The following DIP2A variants were observed in gnomAD, a reference collection of about 807,000 sequenced individuals.
DIP2A encodes disco-interacting protein 2 homolog A.
Under a neutral mutation model 177.4 loss-of-function variants are expected in DIP2A, and 85 were observed. That is an observed-to-expected ratio of 0.48 (90% CI 0.40 to 0.57). The LOEUF (loss-of-function observed/expected upper bound fraction) is 0.57. Among genes scored for constraint, DIP2A ranks in the 20% least tolerant of loss-of-function variants. The probability of loss-of-function intolerance (pLI) is 0.00; values close to 1 mark genes in which losing one functional copy is unlikely to be tolerated. For missense variants in DIP2A, 1,791 were observed against 2,100.2 expected, an observed-to-expected ratio of 0.85 and a Z score of 2.88; for synonymous variants, 886 against 881.8, an observed-to-expected ratio of 1.00 and a Z score of -0.08.
chr21:46,518,187 A>C (rs2058668988), intron 8 of DIP2A, among the ~76,000 whole-genome samples: 1 of 152,376 alleles, frequency 6.6e-6, no homozygotes, highest in East Asian at 1.9e-4. Flanking sequence ...ATCCAGTTTT[A>C]GCTACTAGAA....
At chr21:46,529,846 C>A (rs941502910) in intron 9 of DIP2A, among the ~76,000 whole-genome samples, 3 of 152,178 alleles carry the variant, frequency 2.0e-5, no homozygotes, top group Admixed American at 1.3e-4. Context: ...ATCTCCTTCC[C>A]TATTCTATGT....
chr21:46,512,017 G>A (rs932497446), intron 8 of DIP2A, among the ~76,000 whole-genome samples: 2 of 152,020 alleles, frequency 1.3e-5, no homozygotes, highest in African/African-American at 2.4e-5. Context: ...ATATGGTCCT[G>A]TAATCAGCAC....
At chr21:46,507,692 CTTTTTTTTTT>C (rs34594717) in intron 6 of DIP2A, among the ~76,000 whole-genome samples, 1 of 43,952 alleles carries the variant, frequency 2.3e-5, no homozygotes, top group East Asian at 8.0e-4. Flanking sequence ...ATTTTCTGTT[CTTTTTTTTTT>C]TTTTTTTTTT....
At chr21:46,485,355 C>T (rs2056615353) in intron 2 of DIP2A, among the ~76,000 whole-genome samples, 1 of 152,036 alleles carries the variant, frequency 6.6e-6, no homozygotes, top group Admixed American at 6.6e-5. Context: ...ATTGGCCCAA[C>T]CAGGATATGA....
At chr21:46,518,012 C>A (rs184574925) in intron 8 of DIP2A, among the ~76,000 whole-genome samples, 35 of 152,376 alleles carry the variant, frequency 2.3e-4, no homozygotes, top group African/African-American at 7.9e-4. Context: ...GAGTGCTGGT[C>A]TGCCACCAGT....
chr21:46,516,488 C>CCTTTTTT (rs2058579913), intron 8 of DIP2A, among the ~76,000 whole-genome samples: 1 of 76,366 alleles, frequency 1.3e-5, no homozygotes, highest in African/African-American at 4.4e-5. Context: ...TCTGAAATTT[C>CCTTTTTT]TTTTTTTTTT....
rs558571895 is a variant in DIP2A at position 46,474,777 on chromosome 21, C to T, written c.92-9980C>T. 3.9e-4 allele frequency among the ~76,000 whole-genome samples: 60 copies of T among 152,256 alleles called. 1 individual carries two copies. Among genetic ancestry groups the T allele is most frequent in the African/African-American group, 1.3e-3 (54 of 41,556 alleles). Reference sequence around the variant, plus strand: ...GAACTATAGCTGCGCACCCCCACATCCTGCTAGGTTTTCAGAATTGAAAAG... The same window carrying T: ...GAACTATAGCTGCGCACCCCCACATTCTGCTAGGTTTTCAGAATTGAAAAG... On this transcript the variant is annotated intron_variant, in intron 1 of 37. Coordinates refer to ENST00000417564, the MANE Select transcript of DIP2A (RefSeq NM_015151.4).
At chr21:46,487,724 A>G (rs980226831) in intron 2 of DIP2A, among the ~76,000 whole-genome samples, 5 of 152,256 alleles carry the variant, frequency 3.3e-5, no homozygotes, top group African/African-American at 4.8e-5. Flanking sequence ...AATGAAAACA[A>G]ACTGTCAAAT....
chr21:46,501,673 T>C (rs907764938), intron 5 of DIP2A, among the ~76,000 whole-genome samples: 3 of 151,702 alleles, frequency 2.0e-5, no homozygotes, highest in Admixed American at 6.6e-5. Flanking sequence ...TCCTCATGCC[T>C]TGGCCTTTCA....
At chr21:46,548,790 C>T (rs1199554807) in intron 21 of DIP2A, among the ~76,000 whole-genome samples, 1 of 152,106 alleles carries the variant, frequency 6.6e-6, no homozygotes, top group Non-Finnish European at 1.5e-5. Flanking sequence ...TTGGGGTTCT[C>T]TGGACTGGGA....
rs58546395 is a variant in DIP2A at position 46,464,844 on chromosome 21, T to TTTTTTTTTTTTTTTTTCC, written c.91+5622_91+5623insTTTTTTTTTTTTTTTTCC. Among the ~76,000 whole-genome samples, 24 of 111,228 alleles carry TTTTTTTTTTTTTTTTTCC rather than the reference T, an allele frequency of 2.2e-4. 1 individual carries two copies. The highest frequency in any genetic ancestry group is 5.8e-4 in the African/African-American group (14 of 23,992). 73.0% of individuals were successfully genotyped at this position (111,228 alleles called of 152,430 possible). On this transcript the variant is annotated intron_variant, in intron 1 of 37. Transcript: ENST00000417564. ...TTTTTTTTTTTTTTTTTTTTTTTTTTCAAGAAAACACACAACAAATGTCAG... is the reference window on the plus strand; with the variant it reads ...TTTTTTTTTTTTTTTTTTTTTTTTTTTTTTTTTTTTTTTTTTCCCAAGAAAACACACAACAAATGTCAG...
intron 1 of DIP2A, among the ~76,000 whole-genome samples, chr21:46,484,454 C>T (rs930557480): frequency 4.6e-5 from 7 of 152,142 alleles, no homozygotes; most frequent in African/African-American, 1.7e-4. Context: ...CTGTATCTGA[C>T]GCTATGGTTG....
rs1274377312 is a variant in DIP2A at position 46,471,623 on chromosome 21, T to C, written c.91+12401T>C. Reference sequence around the variant, plus strand: ...ATACACTGCTTAGCAAAGAAAACTATTGTCAGTGAAGACACAACACTTAAA... The same window carrying C: ...ATACACTGCTTAGCAAAGAAAACTACTGTCAGTGAAGACACAACACTTAAA... On this transcript the variant is annotated intron_variant, in intron 1 of 37. Transcript: ENST00000417564. 2.6e-5 allele frequency among the ~76,000 whole-genome samples: 4 copies of C among 152,306 alleles called. No homozygotes were observed. In the South Asian group the frequency reaches 8.3e-4, roughly 32 times the overall value.
chr21:46,500,214 A>G (rs992167207), intron 5 of DIP2A, among the ~76,000 whole-genome samples: 3 of 152,216 alleles, frequency 2.0e-5, no homozygotes, highest in African/African-American at 7.2e-5. Flanking sequence ...ATGAAAGCTC[A>G]CAGTGCCCTG....
intron 9 of DIP2A, among the ~76,000 whole-genome samples, chr21:46,530,835 C>A (rs2148749981): frequency 6.6e-6 from 1 of 152,146 alleles, no homozygotes; most frequent in African/African-American, 2.4e-5. Flanking sequence ...AGGATGTACA[C>A]AAAGGATTGG....
rs1314138004 is a variant in DIP2A at position 46,557,921 on chromosome 21, C to T, written c.3798+168C>T. On this transcript the variant is annotated intron_variant, in intron 31 of 37. Transcript: ENST00000417564. This position sits in a 1 kb window ranked among gnomAD's most constrained non-coding sequence, Gnocchi z 6.0. ...ATGTACACATCTGTCCTCCCACGGCCCACCTGTCTCTGCAGCTCCACACCC... is the reference window on the plus strand; with the variant it reads ...ATGTACACATCTGTCCTCCCACGGCTCACCTGTCTCTGCAGCTCCACACCC... 6.6e-6 allele frequency among the ~76,000 whole-genome samples: 1 copy of T among 152,208 alleles called. No homozygotes were observed. The highest frequency in any genetic ancestry group is 2.4e-5 in the African/African-American group (1 of 41,448).
At chr21:46,561,993 G>A in intron 34 of DIP2A, 188 bp downstream of exon 34, 3 of 892,412 alleles carry the variant, frequency 3.4e-6, no homozygotes, top group Non-Finnish European at 4.0e-6. Flanking sequence ...ACTTAGTTAT[G>A]TTTTTAAACA....
chr21:46,495,803 G>A (rs2057325516), intron 3 of DIP2A, among the ~76,000 whole-genome samples: 3 of 152,016 alleles, frequency 2.0e-5, no homozygotes, highest in Non-Finnish European at 4.4e-5. Flanking sequence ...GCCAGGTGCG[G>A]TGGCTTACAC....
chr21:46,533,484 G>A, intron 10 of DIP2A, 40 bp from the exon 11 acceptor site: 1 of 1,600,308 alleles, frequency 6.2e-7, no homozygotes. Flanking sequence ...TGTGGCTGCT[G>A]TGAGCACCCC....
Sources: gnomAD v4.1 joint callset for allele counts (sites outside exome capture counted in the v4.1 genomes callset) on GRCh38, gnomAD v4.1.1 for gene constraint, Gnocchi (gnomAD v3.1) non-coding constraint, MANE v1.5 for transcripts, NCBI Gene and HGNC (gene_info 2026-07-23, HGNC 2026-07-21) for gene names.